Variants in CADM1 observed in about 807,000 individuals in gnomAD.
CADM1 encodes the protein TSLC-1.
CADM1 carries 15 observed loss-of-function variants against 53.1 expected under a neutral mutation model. That is an observed-to-expected ratio of 0.28 (90% CI 0.19 to 0.44). The LOEUF is 0.44. Ranked by LOEUF, CADM1 falls within the 20% of genes least tolerant of loss-of-function variation. The pLI is 1.00. For synonymous variants in CADM1, 281 were observed against 243.0 expected (o/e 1.16, Z -1.45); for missense variants, 434 against 611.3 (o/e 0.71, Z 3.06).
chr11:115,178,537 C>G, intron 11 of CADM1, 107 bp downstream of exon 11: 1 of 898,906 alleles, frequency 1.1e-6, no homozygotes, highest in Admixed American at 1.8e-5. Flanking sequence ...ATCAGATAGG[C>G]CGTGTGGCCA....
chr11:115,365,139 C>T (rs1946125431), intron 1 of CADM1, among the ~76,000 whole-genome samples: 1 of 152,174 alleles, frequency 6.6e-6, no homozygotes, highest in Admixed American at 6.5e-5. Flanking sequence ...CTGAGTCACA[C>T]ATTCACAAGT....
intron 1 of CADM1, among the ~76,000 whole-genome samples, chr11:115,303,407 G>C (rs1257584748): frequency 6.6e-6 from 1 of 151,944 alleles, no homozygotes; most frequent in Non-Finnish European, 1.5e-5. Flanking sequence ...CAGACAACAG[G>C]AAAGCACTTA....
intron 1 of CADM1, among the ~76,000 whole-genome samples, chr11:115,402,008 A>G (rs999443093): frequency 2.6e-5 from 4 of 152,208 alleles, no homozygotes; most frequent in Non-Finnish European, 4.4e-5. Flanking sequence ...AAAAACCCAC[A>G]TAACTTTTGA....
At position 115,174,541 on chromosome 11, in the gene CADM1, C is replaced by T. The variant is rs903398594; in HGVS notation, c.*1933G>A. ...ATGGATTTTCTTTTACATACCAGTC[C>T]GTTCCCAAAAGGCCCCCATATTGCA... On this transcript the variant is annotated 3_prime_UTR_variant, in exon 12 of 12. Transcript: ENST00000331581. 2.6e-5 allele frequency: 26 copies of T among 985,482 alleles called. No individual in the cohort carries two copies. In the Admixed American group the frequency reaches 3.1e-4, roughly 12 times the overall value. The allele number at this position is 985,482 out of a possible 1,614,324, so 61.0% of individuals were successfully genotyped here.
At chr11:115,499,112 CA>C (rs1216577731) in intron 1 of CADM1, among the ~76,000 whole-genome samples, 2 of 150,968 alleles carry the variant, frequency 1.3e-5, no homozygotes, top group South Asian at 2.1e-4. Flanking sequence ...TAAAAAACAA[CA>C]AAAAAAATTC....
At position 115,204,318 on chromosome 11, in the gene CADM1, C is replaced by G. The variant is rs796817445; in HGVS notation, c.1078+5256G>C. On this transcript the variant is annotated intron_variant, in intron 8 of 11. Coordinates refer to ENST00000331581, the MANE Select transcript of CADM1 (RefSeq NM_001301043.2). ...CCAAAGTCCACTGTGACACTCTCCT[C>G]AGCATCTGCGGCACCTTCTGCCTGT... Among the ~76,000 whole-genome samples, 34 of 152,316 alleles carry G rather than the reference C, an allele frequency of 2.2e-4. 1 individual carries two copies. Among genetic ancestry groups the G allele is most frequent in the African/African-American group, 7.9e-4 (33 of 41,580 alleles).
At chr11:115,252,230 C>A (rs1230924133) in intron 1 of CADM1, among the ~76,000 whole-genome samples, 2 of 152,122 alleles carry the variant, frequency 1.3e-5, no homozygotes, top group Admixed American at 1.3e-4. Context: ...TGTTATCTCT[C>A]CAAAAGGATT....
At chr11:115,283,675 C>T (rs145031955) in intron 1 of CADM1, among the ~76,000 whole-genome samples, 4 of 152,310 alleles carry the variant, frequency 2.6e-5, no homozygotes, top group Non-Finnish European at 5.9e-5. Context: ...CAATGCAAGG[C>T]AGCAAAAAAT....
At chr11:115,253,822 C>T (rs538780192) in intron 1 of CADM1, among the ~76,000 whole-genome samples, 4 of 152,250 alleles carry the variant, frequency 2.6e-5, no homozygotes, top group Admixed American at 6.5e-5. Context: ...TCACACAAAT[C>T]GTTATGTGTC....
At chr11:115,285,048 C>T (rs1164034484) in intron 1 of CADM1, among the ~76,000 whole-genome samples, 10 of 152,174 alleles carry the variant, frequency 6.6e-5, no homozygotes, top group Admixed American at 5.2e-4. Context: ...TGAAGGATTG[C>T]TAATTTCTTA....
chr11:115,242,506 G>T (rs927135079), intron 1 of CADM1, among the ~76,000 whole-genome samples: 1 of 152,066 alleles, frequency 6.6e-6, no homozygotes, highest in African/African-American at 2.4e-5. Flanking sequence ...TGGTTTTGCT[G>T]GCCCTGGCAA....
chr11:115,299,781 C>A (rs1944171537), intron 1 of CADM1, among the ~76,000 whole-genome samples: 1 of 152,044 alleles, frequency 6.6e-6, no homozygotes, highest in South Asian at 2.1e-4. Context: ...AGAGGTGATA[C>A]AGAGCACTGA....
In CADM1 at chr11:115,220,648, C is replaced by T. The variant is rs188480243; in HGVS notation, c.722-2657G>A. Among the ~76,000 whole-genome samples the T allele has an allele frequency of 6.6e-4, 101 of 152,228 alleles. 2 individuals are homozygous for T. Among genetic ancestry groups the T allele is most frequent in the Non-Finnish European group, 4.4e-5 (3 of 68,016 alleles). On this transcript the variant is annotated intron_variant, in intron 5 of 11. Coordinates refer to ENST00000331581, the MANE Select transcript of CADM1 (RefSeq NM_001301043.2). ...AGTATTTATAGGCATATTATCTGAC[C>T]ACGGGCAGATGAGCTATCCTCTCGC...
intron 1 of CADM1, among the ~76,000 whole-genome samples, chr11:115,499,483 C>T (rs1949687586): frequency 1.3e-5 from 2 of 152,252 alleles, no homozygotes; most frequent in Admixed American, 1.3e-4. Flanking sequence ...GAGGTCACTC[C>T]TCTGATCCAT....
chr11:115,300,843 G>T (rs1944201824), intron 1 of CADM1, among the ~76,000 whole-genome samples: 1 of 152,012 alleles, frequency 6.6e-6, no homozygotes, highest in Admixed American at 6.6e-5. Flanking sequence ...TGTAGGCTCT[G>T]GTCATAAAAC....
intron 1 of CADM1, among the ~76,000 whole-genome samples, chr11:115,283,897 GT>G (rs1555055809): frequency 1.3e-5 from 2 of 152,196 alleles, no homozygotes; most frequent in Non-Finnish European, 2.9e-5. Context: ...TGCCCACCTT[GT>G]TCAGCGTGGT....
chr11:115,456,618 G>C (rs138053113), intron 1 of CADM1, among the ~76,000 whole-genome samples: 317 of 152,246 alleles, frequency 2.1e-3, no homozygotes, highest in African/African-American at 7.1e-3. Flanking sequence ...AGTAGAAAGA[G>C]CACTGGATAG....
chr11:115,204,414 A>G (rs534245865), intron 8 of CADM1, among the ~76,000 whole-genome samples: 1 of 152,330 alleles, frequency 6.6e-6, no homozygotes, highest in East Asian at 1.9e-4. Flanking sequence ...TCTCGCAACC[A>G]CATGATAAGG....
intron 1 of CADM1, among the ~76,000 whole-genome samples, chr11:115,262,912 C>T (rs1232794310): frequency 6.6e-6 from 1 of 151,938 alleles, no homozygotes; most frequent in Non-Finnish European, 1.5e-5. Context: ...CTAATGTTAA[C>T]ATCTTATTTA....
Sources: allele counts gnomAD v4.1 joint callset (sites outside exome capture counted in the v4.1 genomes callset), GRCh38; gene constraint gnomAD v4.1.1; transcripts MANE v1.5; gene names NCBI Gene and HGNC (gene_info 2026-07-23, HGNC 2026-07-21).